UTRN: variants seen among roughly 807,000 people sequenced by gnomAD.
The protein encoded by UTRN is dystrophin-related protein 1.
A neutral mutation model predicts 463.9 loss-of-function variants in UTRN; 283 were observed. The ratio of observed to expected loss-of-function variants is 0.61; its 90% confidence interval spans 0.55 to 0.67. UTRN has a LOEUF of 0.67. UTRN is among the 30% of genes least tolerant of loss of function. The pLI is 0.00. For missense variants in UTRN, 3,922 were observed against 4,084.3 expected (o/e 0.96, Z 1.08); for synonymous variants, 1,442 against 1,431.5 (o/e 1.01, Z -0.17).
rs750250409 is a variant in UTRN at position 144,490,154 on chromosome 6, A to G, written c.4218A>G (p.Pro1406=). The change falls in exon 31 of 75, where the codon CCA becomes CCG. Residue 1406 remains proline, a synonymous_variant. Transcript: ENST00000367545. ...TGCGTTCTCAGCCCCTGACCTCCCC[A>G]GAGAGTAGGACTGCCAGAGGAGGAA... ...RNMRSQPLTS[P]ESRTARGGSQ... is the part of the protein sequence containing the mutation. The G allele has an allele frequency of 3.1e-6, 5 of 1,613,602 alleles. No individual in the cohort carries two copies. The highest frequency in any genetic ancestry group is 4.2e-6 in the Non-Finnish European group (5 of 1,179,780).
chr6:144,361,330 G>A (rs1376528995), intron 2 of UTRN, among the ~76,000 whole-genome samples: 5 of 152,180 alleles, frequency 3.3e-5, no homozygotes, highest in Non-Finnish European at 7.3e-5. Context: ...CTTATGTGTT[G>A]CTCTACTAAT....
Position 144,821,009 on chromosome 6 carries a change from A to C in UTRN, c.9485A>C (p.Asn3162Thr). ...LPVQTVLEGD[N>T]LETPITLISM... ...GTCCAGACAGTTCTTGAAGGTGACA[A>C]CTTAGAGACGTAAGTTTGATTTTAA... Residue 3162 changes from asparagine (N) to threonine (T), a missense_variant, in exon 66 of 75, where the codon AAC becomes ACC. Transcript: ENST00000367545. 6.2e-7 allele frequency: 1 copy of C among 1,612,954 alleles called. No individual in the cohort carries two copies. The highest frequency in any genetic ancestry group is 8.5e-7 in the Non-Finnish European group (1 of 1,179,600).
In UTRN at chr6:144,724,892, T is replaced by G. The variant is rs142575725; in HGVS notation, c.7810-5465T>G. On this transcript the variant is annotated intron_variant, in intron 53 of 74. Transcript: ENST00000367545. Reference sequence around the variant, plus strand: ...TTGGCTATTATGAATAAGGCTACTATAAACATTCATGTATGAGTGTTTATG... The same window carrying G: ...TTGGCTATTATGAATAAGGCTACTAGAAACATTCATGTATGAGTGTTTATG... 2.5e-3 allele frequency among the ~76,000 whole-genome samples: 382 copies of G among 152,372 alleles called. 1 individual carries two copies. Among genetic ancestry groups the G allele is most frequent in the African/African-American group, 8.4e-3 (351 of 41,584 alleles).
chr6:144,315,592 C>T (rs774267615), intron 2 of UTRN, among the ~76,000 whole-genome samples: 3 of 152,192 alleles, frequency 2.0e-5, no homozygotes, highest in Non-Finnish European at 2.9e-5. Context: ...AGCCCTTTTG[C>T]GTGGGCAATT....
intron 47 of UTRN, among the ~76,000 whole-genome samples, chr6:144,550,586 T>G (rs1798818284): frequency 6.6e-6 from 1 of 152,216 alleles, no homozygotes; most frequent in African/African-American, 2.4e-5. Flanking sequence ...AGAACAGATA[T>G]GCAAGTCATC....
At chr6:144,619,928 A>G (rs1401571145) in intron 51 of UTRN, among the ~76,000 whole-genome samples, 1 of 152,202 alleles carries the variant, frequency 6.6e-6, no homozygotes, top group African/African-American at 2.4e-5. Context: ...TTCCTTCTGT[A>G]ATAGGAAAGG....
intron 2 of UTRN, among the ~76,000 whole-genome samples, chr6:144,366,608 T>C (rs1235834054): frequency 6.6e-6 from 1 of 152,262 alleles, no homozygotes; most frequent in Non-Finnish European, 1.5e-5. Context: ...GCACATATTC[T>C]GTGGTGTATA....
At chr6:144,745,280 TC>T (rs1238485348) in intron 54 of UTRN, among the ~76,000 whole-genome samples, 2 of 152,146 alleles carry the variant, frequency 1.3e-5, no homozygotes, top group Non-Finnish European at 2.9e-5. Flanking sequence ...TCCCTTTTTT[TC>T]ATTTTTTTCT....
At chr6:144,509,288 A>G (rs1794973208) in intron 34 of UTRN, among the ~76,000 whole-genome samples, 1 of 151,996 alleles carries the variant, frequency 6.6e-6, no homozygotes, top group South Asian at 2.1e-4. Context: ...TTTTATTGCT[A>G]TGTAAAAATA....
intron 66 of UTRN, among the ~76,000 whole-genome samples, chr6:144,825,640 C>T (rs184801544): frequency 2.0e-5 from 3 of 152,060 alleles, no homozygotes; most frequent in African/African-American, 7.2e-5. Flanking sequence ...CAGAGCTTTC[C>T]CAAGGTTGAT....
chr6:144,741,808 C>G (rs1790129812), intron 54 of UTRN, among the ~76,000 whole-genome samples: 1 of 152,046 alleles, frequency 6.6e-6, no homozygotes, highest in African/African-American at 2.4e-5. Flanking sequence ...AGTGGTTGGC[C>G]CCTGCTTCTT....
At position 144,444,324 on chromosome 6, in the gene UTRN, A is replaced by T; in HGVS notation, c.1556A>T (p.Glu519Val). The T allele has an allele frequency of 1.2e-6, 2 of 1,612,024 alleles. No homozygotes were observed. The highest frequency in any genetic ancestry group is 1.7e-6 in the Non-Finnish European group (2 of 1,178,788). The change falls in exon 14 of 75, where the codon GAA becomes GTA. Residue 519 changes from glutamate (E) to valine (V), a missense_variant. By Grantham distance (121) the Glu-to-Val change is moderately radical. Transcript: ENST00000367545. Reference sequence around the variant, plus strand: ...ACAGCAGTATGCCGTTGGACTGAAGAACGCTGGAATAGGTTACAAGAAATC... The same window carrying T: ...ACAGCAGTATGCCGTTGGACTGAAGTACGCTGGAATAGGTTACAAGAAATC... ...RWTAVCRWTE[E>V]RWNRLQEINI...
intron 13 of UTRN, among the ~76,000 whole-genome samples, chr6:144,442,735 C>T (rs549314626): frequency 6.6e-6 from 1 of 152,290 alleles, no homozygotes; most frequent in African/African-American, 2.4e-5. Flanking sequence ...TACCTCCCAC[C>T]AAGTTCCTCT....
chr6:144,774,230 G>C, intron 59 of UTRN, 60 bp from the exon 60 acceptor site: 1 of 1,422,592 alleles, frequency 7.0e-7, no homozygotes, highest in Non-Finnish European at 9.6e-7. Flanking sequence ...ATACATTCTG[G>C]GCATTCAATA....
At chr6:144,470,008 C>G (rs368560794) in intron 23 of UTRN, among the ~76,000 whole-genome samples, 2 of 152,146 alleles carry the variant, frequency 1.3e-5, no homozygotes, top group East Asian at 1.9e-4. Flanking sequence ...CCAGAGAGCA[C>G]GGGGTTGGGG....
chr6:144,541,616 TTTATTG>T (rs1797981069), intron 45 of UTRN, among the ~76,000 whole-genome samples: 1 of 152,212 alleles, frequency 6.6e-6, no homozygotes, highest in Non-Finnish European at 1.5e-5. Context: ...TCAATAGGTT[TTTATTG>T]GAGTCTCACT....
chr6:144,319,656 C>T (rs1477868336), intron 2 of UTRN, among the ~76,000 whole-genome samples: 1 of 152,198 alleles, frequency 6.6e-6, no homozygotes, highest in East Asian at 1.9e-4. Flanking sequence ...CTACCTTGAT[C>T]TCCTGGGCTC....
intron 2 of UTRN, chr6:144,344,013 T>A: frequency 1.9e-6 from 1 of 515,866 alleles, no homozygotes; most frequent in Non-Finnish European, 2.8e-6. Flanking sequence ...GACTACAAAG[T>A]GTAACTTCCT....
chr6:144,318,016 A>G (rs1165559549), intron 2 of UTRN, among the ~76,000 whole-genome samples: 1 of 151,046 alleles, frequency 6.6e-6, no homozygotes, highest in African/African-American at 2.4e-5. Context: ...TTGACCTATT[A>G]TCTCTTTTTG....
Sources: gnomAD v4.1 joint callset for allele counts (sites outside exome capture counted in the v4.1 genomes callset) on GRCh38, gnomAD v4.1.1 for gene constraint, MANE v1.5 for transcripts, NCBI Gene and HGNC (gene_info 2026-07-23, HGNC 2026-07-21) for gene names.